Variants in TUBGCP6 observed in about 807,000 individuals in gnomAD.
TUBGCP6 encodes the protein gamma-tubulin complex component 6.
In TUBGCP6, 161 loss-of-function variants were observed where a neutral mutation model predicts 175.8. The observed-to-expected ratio is 0.92, with a 90% CI of 0.81 to 1.04. TUBGCP6 has a LOEUF of 1.04. Among genes scored for constraint, TUBGCP6 ranks in the 50% least tolerant of loss-of-function variants. The pLI, the probability that TUBGCP6 is intolerant of heterozygous loss-of-function variation, is 0.00. For missense variants in TUBGCP6, 2,572 were observed against 2,433.0 expected (o/e 1.06, Z -1.20); for synonymous variants, 1,173 against 1,030.5 (o/e 1.14, Z -2.65).
intron 1 of TUBGCP6, 75 bp downstream of exon 1, chr22:50,243,643 AG>A (rs2064874991): frequency 1.6e-6 from 2 of 1,269,192 alleles, no homozygotes. Context: ...AAGAAGAAGA[AG>A]AAGAAGAAGA....
intron 11 of TUBGCP6, 44 bp from the exon 12 acceptor site, chr22:50,224,464 A>G (rs774480596): frequency 2.5e-6 from 4 of 1,614,030 alleles, no homozygotes; most frequent in Non-Finnish European, 3.4e-6. Context: ...AGGAGGCCCC[A>G]GCAAGGCCCC....
intron 2 of TUBGCP6, among the ~76,000 whole-genome samples, chr22:50,236,370 C>A (rs1315320726): frequency 1.3e-5 from 2 of 152,082 alleles, no homozygotes; most frequent in Non-Finnish European, 2.9e-5. Flanking sequence ...CTCTTGACCT[C>A]GTGATCCGCC....
rs931394231 is a variant in TUBGCP6 at position 50,244,595 on chromosome 22, G to A, written c.-136C>T. On this transcript the variant is annotated 5_prime_UTR_variant, in exon 1 of 25. Transcript: ENST00000248846. The stretch of plus-strand genomic sequence containing the variant: ...GCGGCCTCTCCAATGCCGAAGCTCA[G>A]AACTGGTATTTTTTAAAGGAGGTCT... The A allele has an allele frequency of 2.2e-6, 3 of 1,369,426 alleles. No homozygotes were observed. Among genetic ancestry groups the A allele is most frequent in the East Asian group, 2.5e-5 (1 of 39,330 alleles). 84.8% of individuals were successfully genotyped at this position (1,369,426 alleles called of 1,614,324 possible).
Position 50,229,415 on chromosome 22 carries a change from G to A in TUBGCP6, c.1279C>T (p.Leu427Phe), listed in dbSNP as rs760153532. ...PVLDSLYSKGLVFQAFTSGLR... is the reference protein window; with the variant it reads ...PVLDSLYSKGFVFQAFTSGLR... ...GGCAAAGGCCATACCTGGAACACGA[G>A]GCCCTTGCTGTACAAAGAGTCCAGG... Residue 427 changes from leucine (L) to phenylalanine (F), a missense_variant, in exon 4 of 25, where the codon CTC (leucine) becomes TTC (phenylalanine). By Grantham distance (22) the Leu-to-Phe change is conservative (BLOSUM62 0). Coordinates refer to ENST00000248846, the MANE Select transcript of TUBGCP6 (RefSeq NM_020461.4). 3.1e-6 allele frequency: 5 copies of A among 1,613,544 alleles called. No individual in the cohort carries two copies. In the Admixed American group the frequency reaches 8.3e-5, roughly 27 times the overall value.
chr22:50,227,291 C>A (rs571553463), intron 5 of TUBGCP6, among the ~76,000 whole-genome samples: 2 of 152,106 alleles, frequency 1.3e-5, no homozygotes, highest in African/African-American at 2.4e-5. Context: ...CCACACACAC[C>A]CCACTGAAGT....
rs1448618281 is a variant in TUBGCP6 at position 50,228,017 on chromosome 22, A to T, written c.1302T>A (p.Ser434Arg). 2 of 1,559,068 alleles carry T rather than the reference A, an allele frequency of 1.3e-6. No individual in the cohort carries two copies. The highest frequency in any genetic ancestry group is 4.6e-5 in the East Asian group (2 of 43,304). ...SKGLVFQAFT[S>R]GLRRYLQYYR... is the part of the protein sequence containing the mutation. ...AATACTGCAGGTACCTCCTCAGGCC[A>T]CTGGTGAAGGCCTGTGGGCAAAGAG... The change falls in exon 5 of 25, where the codon AGT becomes AGA. Residue 434 changes from serine to arginine, a missense_variant. Physicochemically the swap from Ser to Arg is moderately radical, Grantham distance 110. Transcript: ENST00000248846.
rs2064902611 is a variant in TUBGCP6 at position 50,244,981 on chromosome 22, T to G, written c.-522A>C. 1 of 227,142 alleles carries G rather than the reference T, an allele frequency of 4.4e-6. No homozygotes were observed. The highest frequency in any genetic ancestry group is 2.4e-5 in the African/African-American group (1 of 41,980). The allele number at this position is 227,142 out of a possible 1,614,324, so 14.1% of individuals were successfully genotyped here. ...CTCACCCGTGGAAAGTGCCCACGGC[T>G]GCCGCTCTCGCCGCCTCCGTCGCGT... is the stretch of plus-strand genomic sequence containing the variant. On this transcript the variant is annotated 5_prime_UTR_variant, in exon 1 of 25. Coordinates refer to ENST00000248846, the MANE Select transcript of TUBGCP6 (RefSeq NM_020461.4).
At chr22:50,219,929 T>A in intron 17 of TUBGCP6, 28 bp downstream of exon 17, 1 of 1,613,550 alleles carries the variant, frequency 6.2e-7, no homozygotes, top group Non-Finnish European at 8.5e-7. Context: ...CTGCCTGCTG[T>A]GGGACCCCCA....
chr22:50,234,889 C>A (rs535654204), intron 2 of TUBGCP6, among the ~76,000 whole-genome samples: 7 of 148,832 alleles, frequency 4.7e-5, no homozygotes, highest in Non-Finnish European at 8.9e-5. Flanking sequence ...ATGGCAGCAT[C>A]ATCCACACCC....
At chr22:50,238,149 G>C (rs1228903647) in intron 2 of TUBGCP6, among the ~76,000 whole-genome samples, 2 of 151,270 alleles carry the variant, frequency 1.3e-5, no homozygotes, top group African/African-American at 4.9e-5. Context: ...GAGAGAGAGA[G>C]AGAGAGAGAC....
Position 50,243,800 on chromosome 22 carries a change from G to A in TUBGCP6, c.660C>T (p.His220=). ...TRVSLFGALV[H]SRTYDMDVRL... is the part of the protein sequence containing the mutation. ...GGACGTCCATGTCATAAGTGCGGCT[G>A]TGCACAAGGGCCCCGAAGAGCGAGA... The change falls in exon 1 of 25, where the codon CAC becomes CAT. Residue 220 remains histidine, a synonymous_variant. Coordinates refer to ENST00000248846, the MANE Select transcript of TUBGCP6 (RefSeq NM_020461.4). The A allele has an allele frequency of 6.2e-7, 1 of 1,613,598 alleles. No homozygotes were observed. Among genetic ancestry groups the A allele is most frequent in the South Asian group, 1.1e-5 (1 of 91,072 alleles).
In TUBGCP6 at chr22:50,224,610, T is replaced by C; in HGVS notation, c.1984-18A>G. ...CGTAATTCCTGAGAAAGACAACTGG[T>C]AATCAAAGCATCCTGGCCGGGCGCA... is the stretch of plus-strand genomic sequence containing the variant. On this transcript the variant is annotated intron_variant, in intron 10 of 24. Transcript: ENST00000248846. 1 of 1,612,792 alleles carries C rather than the reference T, an allele frequency of 6.2e-7. No individual in the cohort carries two copies. Among genetic ancestry groups the C allele is most frequent in the Non-Finnish European group, 8.5e-7 (1 of 1,179,788 alleles).
At position 50,220,022 on chromosome 22, in the gene TUBGCP6, G is replaced by A. The variant is rs749712158; in HGVS notation, c.4109-7C>T. ...TCCCCGCTCCTCCCAGGGCCTGTGT[G>A]GACACAAGTGGACACGAGGGCATCA... is the stretch of plus-strand genomic sequence containing the variant. On this transcript the variant is annotated splice_region_variant and splice_polypyrimidine_tract_variant and intron_variant, in intron 16 of 24. Coordinates refer to ENST00000248846, the MANE Select transcript of TUBGCP6 (RefSeq NM_020461.4). 10 of 1,612,792 alleles carry A rather than the reference G, an allele frequency of 6.2e-6. No homozygotes were observed. Among genetic ancestry groups the A allele is most frequent in the Non-Finnish European group, 8.5e-6 (10 of 1,179,376 alleles).
intron 10 of TUBGCP6, 66 bp from the exon 11 acceptor site, chr22:50,224,658 G>A (rs2064579585): frequency 1.3e-6 from 2 of 1,554,184 alleles, no homozygotes; most frequent in East Asian, 2.2e-5. Context: ...TGTAATCCTG[G>A]CACTTTGGGA....
chr22:50,222,733 G>A lies in TUBGCP6; in HGVS notation c.2271-141C>T, dbSNP rs565982437. 1.3e-5 allele frequency: 16 copies of A among 1,223,734 alleles called. No homozygotes were observed. The African/African-American group carries it at 2.4e-4, about 19-fold the overall frequency. 75.8% of individuals were successfully genotyped at this position (1,223,734 alleles called of 1,614,324 possible). ...CGTCTCCCCCTACCAGGGGCTGATA[G>A]CTCTGGGCCCTCACAGCACCTACAG... On this transcript the variant is annotated intron_variant, in intron 13 of 24. Coordinates refer to ENST00000248846, the MANE Select transcript of TUBGCP6 (RefSeq NM_020461.4).
chr22:50,233,395 A>G lies in TUBGCP6; in HGVS notation c.1037T>C (p.Leu346Pro). The change falls in exon 3 of 25, where the codon CTG becomes CCG. Residue 346 changes from leucine (L) to proline (P), a missense_variant. Physicochemically the swap from Leu to Pro is moderately conservative, Grantham distance 98 (BLOSUM62 -3). Coordinates refer to ENST00000248846, the MANE Select transcript of TUBGCP6 (RefSeq NM_020461.4). ...GGVLQAPQPVLVKECELVKDV... is the reference protein window; with the variant it reads ...GGVLQAPQPVPVKECELVKDV... ...TTTCACCAGCTCGCACTCCTTCACC[A>G]GCACGGGCTGCGGGGCCTGTAGGAC... The G allele has an allele frequency of 1.2e-6, 2 of 1,614,058 alleles. No homozygotes were observed. The highest frequency in any genetic ancestry group is 1.7e-6 in the Non-Finnish European group (2 of 1,179,972).
chr22:50,232,344 C>CA (rs2064703842), intron 3 of TUBGCP6, among the ~76,000 whole-genome samples: 1 of 145,106 alleles, frequency 6.9e-6, no homozygotes, highest in East Asian at 2.0e-4. Flanking sequence ...CCAGAATGGG[C>CA]AACAGAGCGA....
Position 50,226,813 on chromosome 22 carries a change from C to G in TUBGCP6, c.1521G>C (p.Gln507His), listed in dbSNP as rs1453209865. Residue 507 changes from glutamine to histidine, a missense_variant, in exon 7 of 25, where the codon CAG (glutamine) becomes CAC (histidine). Physicochemically the swap from Gln to His is conservative, Grantham distance 24 (BLOSUM62 0). Coordinates refer to ENST00000248846, the MANE Select transcript of TUBGCP6 (RefSeq NM_020461.4). ...CGTTGCTGCAGTTGTGCAGAGCCTC[C>G]TGGTAGAGGTAGGACAGCAGCTTCA... ...TGVKLLSYLY[Q>H]EALHNCSNEH... 2 of 1,588,274 alleles carry G rather than the reference C, an allele frequency of 1.3e-6. No homozygotes were observed. The highest frequency in any genetic ancestry group is 1.3e-5 in the African/African-American group (1 of 74,768).
chr22:50,228,303 TCA>T (rs535459810), intron 4 of TUBGCP6, among the ~76,000 whole-genome samples: 4,402 of 147,992 alleles, frequency 0.03, 125 homozygotes, highest in Non-Finnish European at 0.045. Context: ...ACCCTTCCTC[TCA>T]TCTGAGCCCA....
Sources: allele counts gnomAD v4.1 joint callset (sites outside exome capture counted in the v4.1 genomes callset), GRCh38; gene constraint gnomAD v4.1.1; transcripts MANE v1.5; gene names NCBI Gene and HGNC (gene_info 2026-07-23, HGNC 2026-07-21).